SNX8: variants seen among roughly 807,000 people sequenced by gnomAD.
The protein encoded by SNX8 is sorting nexin-8.
In SNX8, 25 loss-of-function variants were observed where a neutral mutation model predicts 51.6. The observed-to-expected ratio is 0.48, with a 90% CI of 0.35 to 0.68. SNX8 has a LOEUF of 0.68. Ranked by LOEUF, SNX8 falls within the 30% of genes least tolerant of loss-of-function variation. SNX8 has a pLI of 0.00. For synonymous variants in SNX8, 324 were observed against 277.0 expected (o/e 1.17, Z -1.68); for missense variants, 695 against 624.0 (o/e 1.11, Z -1.21).
upstream of SNX8, chr7:2,314,603 C>T: frequency 2.2e-6 from 1 of 446,154 alleles, no homozygotes; most frequent in Non-Finnish European, 3.1e-6. Flanking sequence ...CTACAACCCG[C>T]CTAGCCACGC....
intron 4 of SNX8, among the ~76,000 whole-genome samples, chr7:2,270,112 G>C (rs1376610317): frequency 1.3e-5 from 2 of 152,006 alleles, no homozygotes; most frequent in Admixed American, 6.6e-5. Flanking sequence ...AGCCCAGGGA[G>C]CTGCTGGGCA....
chr7:2,320,166 A>C (rs978542750), intron 1 of SNX8, among the ~76,000 whole-genome samples: 2 of 151,042 alleles, frequency 1.3e-5, no homozygotes, highest in African/African-American at 4.9e-5. Flanking sequence ...GACCAGCCTG[A>C]CCAACATGAA....
chr7:2,332,099 T>C (rs1016136730), intron 1 of SNX8, among the ~76,000 whole-genome samples: 7 of 149,978 alleles, frequency 4.7e-5, no homozygotes, highest in African/African-American at 1.7e-4. Context: ...TCCAGCTAGT[T>C]GGCAGGCTGA....
intron 1 of SNX8, among the ~76,000 whole-genome samples, chr7:2,279,323 C>T (rs1483512062): frequency 4.0e-5 from 6 of 150,706 alleles, no homozygotes; most frequent in South Asian, 2.1e-4. Context: ...ACTACGGAGT[C>T]GACGCTGGAC....
At chr7:2,312,883 G>A (rs928239256) in intron 1 of SNX8, among the ~76,000 whole-genome samples, 10 of 151,970 alleles carry the variant, frequency 6.6e-5, no homozygotes, top group African/African-American at 2.4e-4. Context: ...CTAATGTTTA[G>A]CCTCGTTTGT....
intron 1 of SNX8, among the ~76,000 whole-genome samples, chr7:2,306,395 C>A (rs1367591872): frequency 6.6e-6 from 1 of 152,172 alleles, no homozygotes; most frequent in East Asian, 1.9e-4. Flanking sequence ...CAGGCGTGAG[C>A]CACCGTGCCC....
At chr7:2,311,990 G>C (rs1207487915) in intron 1 of SNX8, among the ~76,000 whole-genome samples, 1 of 151,462 alleles carries the variant, frequency 6.6e-6, no homozygotes, top group Admixed American at 6.6e-5. Context: ...CCAGGATGAC[G>C]ACCAAGTTTC....
intron 1 of SNX8, among the ~76,000 whole-genome samples, chr7:2,310,282 G>C (rs1287101165): frequency 1.3e-5 from 2 of 152,138 alleles, no homozygotes; most frequent in Non-Finnish European, 2.9e-5. Context: ...TGCATAGTCA[G>C]AGGACAGAAT....
At chr7:2,319,902 C>A (rs10225783) in intron 1 of SNX8, among the ~76,000 whole-genome samples, 4,704 of 151,964 alleles carry the variant, frequency 0.031, 238 homozygotes, top group African/African-American at 0.11. Flanking sequence ...ATTGCTTGAA[C>A]CCAGGAGGCA....
intron 1 of SNX8, among the ~76,000 whole-genome samples, chr7:2,287,376 C>T (rs892239191): frequency 1.1e-4 from 17 of 151,940 alleles, no homozygotes; most frequent in African/African-American, 3.4e-4. Context: ...GTGAGGAGTT[C>T]GAGACCAGCC....
At chr7:2,286,857 T>C (rs1193895927) in intron 1 of SNX8, among the ~76,000 whole-genome samples, 1 of 151,952 alleles carries the variant, frequency 6.6e-6, no homozygotes, top group African/African-American at 2.4e-5. Context: ...AATTAATTTT[T>C]TGGCCAGGCG....
intron 1 of SNX8, among the ~76,000 whole-genome samples, chr7:2,332,052 C>T (rs1435102217): frequency 1.3e-5 from 2 of 151,654 alleles, no homozygotes; most frequent in Non-Finnish European, 2.9e-5. Flanking sequence ...AAAAAATAAA[C>T]AAAAATTAAA....
intron 7 of SNX8, among the ~76,000 whole-genome samples, chr7:2,258,202 G>A (rs1795243600): frequency 6.6e-6 from 1 of 151,992 alleles, no homozygotes; most frequent in Non-Finnish European, 1.5e-5. Context: ...TTTTTTAGTA[G>A]AGACGGGGTT....
chr7:2,345,070 T>C (rs1778996030), intron 1 of SNX8, among the ~76,000 whole-genome samples: 1 of 152,158 alleles, frequency 6.6e-6, no homozygotes, highest in African/African-American at 2.4e-5. Context: ...TAAATTGGAA[T>C]GCAGATATCC....
At chr7:2,281,117 TTTTAA>T (rs1795897033) in intron 1 of SNX8, among the ~76,000 whole-genome samples, 1 of 151,838 alleles carries the variant, frequency 6.6e-6, no homozygotes, top group Non-Finnish European at 1.5e-5. Context: ...GCAAAATAAA[TTTTAA>T]TTAAGAAAAA....
intron 1 of SNX8, among the ~76,000 whole-genome samples, chr7:2,290,427 C>G (rs1796125683): frequency 6.6e-6 from 1 of 150,868 alleles, no homozygotes; most frequent in Admixed American, 6.7e-5. Flanking sequence ...TCTCTTGAAC[C>G]CAGGAGGTAG....
At chr7:2,295,845 T>C (rs904447003) in intron 1 of SNX8, among the ~76,000 whole-genome samples, 1 of 152,176 alleles carries the variant, frequency 6.6e-6, no homozygotes, top group Non-Finnish European at 1.5e-5. Flanking sequence ...AGGGCGTCCT[T>C]TCCCCAGTGA....
At chr7:2,283,448 G>C (rs933385884) in intron 1 of SNX8, among the ~76,000 whole-genome samples, 5 of 152,242 alleles carry the variant, frequency 3.3e-5, no homozygotes, top group Admixed American at 1.3e-4. Context: ...TGCCGATGGA[G>C]AGGCCTTCAG....
At chr7:2,282,778 G>A (rs1384300412) in intron 1 of SNX8, among the ~76,000 whole-genome samples, 1 of 151,928 alleles carries the variant, frequency 6.6e-6, no homozygotes, top group Admixed American at 6.6e-5. Flanking sequence ...GGAGTTTGAG[G>A]CCTGCCTGGC....
Sources: allele counts gnomAD v4.1 joint callset (sites outside exome capture counted in the v4.1 genomes callset), GRCh38; gene constraint gnomAD v4.1.1; transcripts MANE v1.5; gene names NCBI Gene and HGNC (gene_info 2026-07-23, HGNC 2026-07-21).